The following PARP16 variants were observed in gnomAD, a reference collection of about 807,000 sequenced individuals.
PARP16 encodes protein mono-ADP-ribosyltransferase PARP16.
A neutral mutation model predicts 35.0 loss-of-function variants in PARP16; 31 were observed. That is an observed-to-expected ratio of 0.88 (90% CI 0.66 to 1.19). The LOEUF is 1.19. Ranked by LOEUF, PARP16 falls within the 50% of genes most tolerant of loss-of-function variation. The pLI, the probability that PARP16 is intolerant of heterozygous loss-of-function variation, is 0.00. For synonymous variants in PARP16, 162 were observed against 169.5 expected (o/e 0.96, Z 0.34); for missense variants, 424 against 411.2 (o/e 1.03, Z -0.27).
At chr15:65,240,540 A>G (rs1245486395) in intron 3 of PARP16, among the ~76,000 whole-genome samples, 2 of 152,202 alleles carry the variant, frequency 1.3e-5, no homozygotes, top group South Asian at 2.1e-4. Flanking sequence ...TCTTTTTTAT[A>G]TGGCTTAATA....
intron 1 of PARP16, among the ~76,000 whole-genome samples, chr15:65,276,826 C>T (rs2090272584): frequency 6.6e-6 from 1 of 151,654 alleles, no homozygotes; most frequent in Non-Finnish European, 1.5e-5. Context: ...ACTAAAAATA[C>T]AAAAAATTAG....
chr15:65,267,678 C>CTTTTTTTT lies in PARP16; in HGVS notation c.313-918_313-911dup, dbSNP rs556058787. Among the ~76,000 whole-genome samples the CTTTTTTTT allele has an allele frequency of 4.1e-3, 218 of 53,062 alleles. 61 individuals are homozygous for CTTTTTTTT. The highest frequency in any genetic ancestry group is 6.1e-3 in the African/African-American group (84 of 13,760). 34.8% of individuals were successfully genotyped at this position (53,062 alleles called of 152,430 possible). ...TGGAGATCACTTCTAATTTTCCTAA[C>CTTTTTTTT]TTTTTTTTTTTTTTTTTTTTTTTTT... is the stretch of plus-strand genomic sequence containing the variant. On this transcript the variant is annotated intron_variant, in intron 2 of 5. Coordinates refer to ENST00000649807, the MANE Select transcript of PARP16 (RefSeq NM_001316943.2).
chr15:65,262,423 C>T (rs751028785), intron 4 of PARP16, among the ~76,000 whole-genome samples: 5 of 152,154 alleles, frequency 3.3e-5, no homozygotes, highest in Admixed American at 6.5e-5. Context: ...TGAGCCATAC[C>T]GCACCTGGCC....
At chr15:65,251,798 T>C (rs1567014195) in intron 2 of PARP16, among the ~76,000 whole-genome samples, 1 of 151,886 alleles carries the variant, frequency 6.6e-6, no homozygotes, top group Non-Finnish European at 1.5e-5. Flanking sequence ...GGAATCTCGC[T>C]CTGTCGCCCA....
chr15:65,245,593 C>T (rs1487964488), intron 3 of PARP16, among the ~76,000 whole-genome samples: 2 of 152,100 alleles, frequency 1.3e-5, no homozygotes, highest in Non-Finnish European at 2.9e-5. Context: ...ATGGAAGCAG[C>T]TGTTTGCAAT....
intron 1 of PARP16, among the ~76,000 whole-genome samples, chr15:65,278,715 C>A (rs552208528): frequency 6.6e-6 from 1 of 152,282 alleles, no homozygotes; most frequent in Admixed American, 6.5e-5. Context: ...TGGAGATACT[C>A]AGGTTTAGAT....
chr15:65,284,940 C>T (rs1406295703), intron 1 of PARP16, among the ~76,000 whole-genome samples: 2 of 151,264 alleles, frequency 1.3e-5, no homozygotes, highest in African/African-American at 2.4e-5. Flanking sequence ...GCCTCAGCCT[C>T]CCAAGTAGCT....
intron 2 of PARP16, among the ~76,000 whole-genome samples, chr15:65,267,903 G>A (rs986242722): frequency 6.6e-5 from 10 of 151,640 alleles, no homozygotes; most frequent in Non-Finnish European, 1.5e-4. Context: ...ATCTTGGCCA[G>A]GCTGGTCTTG....
chr15:65,256,102 CCCT>C (rs1306391943), downstream of PARP16, among the ~76,000 whole-genome samples: 1 of 152,144 alleles, frequency 6.6e-6, no homozygotes, highest in East Asian at 1.9e-4. Context: ...GCTCATCTAG[CCCT>C]CCTCTTTGGC....
chr15:65,248,978 G>C (rs954789937), intron 2 of PARP16, among the ~76,000 whole-genome samples: 1 of 152,150 alleles, frequency 6.6e-6, no homozygotes, highest in African/African-American at 2.4e-5. Context: ...CAGCTCTATT[G>C]CCAACTAGAT....
chr15:65,237,159 C>G (rs1321789650), intron 3 of PARP16, among the ~76,000 whole-genome samples: 2 of 152,046 alleles, frequency 1.3e-5, no homozygotes, highest in Non-Finnish European at 2.9e-5. Flanking sequence ...TCCTCCCCTC[C>G]CCATGAGACT....
chr15:65,265,864 C>A (rs1331769277), intron 3 of PARP16, among the ~76,000 whole-genome samples: 1 of 152,198 alleles, frequency 6.6e-6, no homozygotes, highest in East Asian at 1.9e-4. Context: ...GTGCTCCACT[C>A]GGAGATTCTC....
intron 5 of PARP16, 140 bp from the exon 6 acceptor site, chr15:65,259,682 T>G: frequency 1.2e-6 from 1 of 827,602 alleles, no homozygotes; most frequent in Non-Finnish European, 1.9e-6. Flanking sequence ...GCTTCGTGCT[T>G]CCTTGCTCAA....
downstream of PARP16, among the ~76,000 whole-genome samples, chr15:65,233,758 A>C (rs2088813769): frequency 6.6e-6 from 1 of 152,064 alleles, no homozygotes; most frequent in Non-Finnish European, 1.5e-5. Flanking sequence ...AAAAAAAAAA[A>C]ATTTAAATTG....
chr15:65,256,124 C>T (rs2089501250), downstream of PARP16, among the ~76,000 whole-genome samples: 1 of 152,216 alleles, frequency 6.6e-6, no homozygotes, highest in South Asian at 2.1e-4. Context: ...GCTTCCATGA[C>T]ACTTGGCTAT....
downstream of PARP16, among the ~76,000 whole-genome samples, chr15:65,233,366 C>G (rs1423344356): frequency 2.0e-5 from 3 of 152,206 alleles, no homozygotes; most frequent in African/African-American, 7.2e-5. Flanking sequence ...CGCGCCACTG[C>G]TCTCCAGCCT....
chr15:65,280,862 G>C (rs936999413), intron 1 of PARP16, among the ~76,000 whole-genome samples: 1 of 152,224 alleles, frequency 6.6e-6, no homozygotes, highest in Admixed American at 6.5e-5. Flanking sequence ...AATTAGAGCA[G>C]TTTGGCACCC....
Position 65,270,940 on chromosome 15 carries a change from C to T in PARP16, c.307G>A (p.Ala103Thr). 2 of 1,614,156 alleles carry T rather than the reference C, an allele frequency of 1.2e-6. No individual in the cohort carries two copies. The highest frequency in any genetic ancestry group is 1.7e-6 in the Non-Finnish European group (2 of 1,180,016). ...GCTACGGACCAAAGTCTCACCTCTG[C>T]CTTCCCTGCACTGTGGATTGTCAGG... ...KVLTIHSAGK[A>T]EFEKIQKLTG... Residue 103 changes from alanine to threonine, a missense_variant, in exon 2 of 6, where the codon GCA (alanine) becomes ACA (threonine). Ala to Thr is a moderately conservative substitution (Grantham distance 58, BLOSUM62 0). Coordinates refer to ENST00000649807, the MANE Select transcript of PARP16 (RefSeq NM_001316943.2).
chr15:65,260,565 C>T (rs556085984), intron 5 of PARP16, among the ~76,000 whole-genome samples: 3 of 152,330 alleles, frequency 2.0e-5, no homozygotes, highest in South Asian at 4.1e-4. Flanking sequence ...TTAACCTCAT[C>T]GGTGGGTCTC....
Sources: gnomAD v4.1 joint callset for allele counts (sites outside exome capture counted in the v4.1 genomes callset) on GRCh38, gnomAD v4.1.1 for gene constraint, MANE v1.5 for transcripts, NCBI Gene and HGNC (gene_info 2026-07-23, HGNC 2026-07-21) for gene names.